Variants in SEMA6B observed in about 807,000 individuals in gnomAD.
SEMA6B encodes the protein semaphorin 6B.
SEMA6B carries 47 observed loss-of-function variants against 78.6 expected under a neutral mutation model. That is an observed-to-expected ratio of 0.60 (90% CI 0.47 to 0.76). The LOEUF (loss-of-function observed/expected upper bound fraction) is 0.76. Ranked by LOEUF, SEMA6B falls within the 30% of genes least tolerant of loss-of-function variation. The pLI, the probability that SEMA6B is intolerant of heterozygous loss-of-function variation, is 0.00. For missense variants in SEMA6B, 1,213 were observed against 1,269.9 expected (o/e 0.96, Z 0.68); for synonymous variants, 632 against 592.2 (o/e 1.07, Z -0.98).
chr19:4,545,056 G>A (rs1977129964), intron 16 of SEMA6B, among the ~76,000 whole-genome samples: 1 of 151,992 alleles, frequency 6.6e-6, no homozygotes, highest in African/African-American at 2.4e-5. Context: ...TTAAAGACAG[G>A]ATCTGGGCCA....
chr19:4,552,412 G>A lies in SEMA6B; in HGVS notation c.989+10C>T, dbSNP rs1346013214. Reference sequence around the variant, plus strand: ...ATGCTCCCAGTTTGCTCCCATTGGTGGGCGCTGACCTGTTGCTGGGCGTGG... The same window carrying A: ...ATGCTCCCAGTTTGCTCCCATTGGTAGGCGCTGACCTGTTGCTGGGCGTGG... On this transcript the variant is annotated intron_variant, in intron 10 of 16. Transcript: ENST00000586582. The surrounding 1 kb of genome is among the most constrained non-coding windows in gnomAD (Gnocchi z 7.4). 3.2e-6 allele frequency: 5 copies of A among 1,563,754 alleles called. No individual in the cohort carries two copies. The highest frequency in any genetic ancestry group is 2.6e-6 in the Non-Finnish European group (3 of 1,154,330).
chr19:4,550,413 C>G lies in SEMA6B; in HGVS notation c.1122-141G>C. On this transcript the variant is annotated intron_variant, in intron 11 of 16. Transcript: ENST00000586582. This position sits in a 1 kb window ranked among gnomAD's most constrained non-coding sequence, Gnocchi z 6.6. The stretch of plus-strand genomic sequence containing the variant: ...TTTTTGAGACAGAGTCTCAATCTGT[C>G]GCCCAGGCTGGAGTGCTTTGGCTCA... 2 of 930,366 alleles carry G rather than the reference C, an allele frequency of 2.1e-6. No homozygotes were observed. The highest frequency in any genetic ancestry group is 3.2e-6 in the Non-Finnish European group (2 of 623,984). The allele number at this position is 930,366 out of a possible 1,614,324, so 57.6% of individuals were successfully genotyped here.
intron 12 of SEMA6B, among the ~76,000 whole-genome samples, 179 bp downstream of exon 12, chr19:4,549,944 C>T (rs1977277885): frequency 6.6e-6 from 1 of 152,164 alleles, no homozygotes; most frequent in Non-Finnish European, 1.5e-5. Context: ...CTCTGTCTCT[C>T]TCTTTGTTCT....
Position 4,548,102 on chromosome 19 carries a change from C to A in SEMA6B, c.1526G>T (p.Gly509Val). ...GCAGCGGGGGAAGGCAGCCAGCAGGCCCCCCGAAGCTGCGTCCAGCTCCAA... is the reference window on the plus strand; with the variant it reads ...GCAGCGGGGGAAGGCAGCCAGCAGGACCCCCGAAGCTGCGTCCAGCTCCAA... The part of the protein sequence containing the change: ...LSLELDAASG[G>V]LLAAFPRCVV... The change falls in exon 14 of 17, where the codon GGC becomes GTC. Residue 509 changes from glycine to valine, a missense_variant. Gly to Val is a moderately radical substitution (Grantham distance 109, BLOSUM62 -3). Transcript: ENST00000586582. The A allele has an allele frequency of 2.5e-6, 4 of 1,589,506 alleles. No homozygotes were observed. The highest frequency in any genetic ancestry group is 2.2e-5 in the South Asian group (2 of 89,676).
chr19:4,544,054 G>T lies in SEMA6B; in HGVS notation c.2214C>A (p.Gly738=). The T allele has an allele frequency of 8.1e-7, 1 of 1,228,020 alleles. No individual in the cohort carries two copies. Among genetic ancestry groups the T allele is most frequent in the Non-Finnish European group, 1.0e-6 (1 of 984,786 alleles). 76.1% of individuals were successfully genotyped at this position (1,228,020 alleles called of 1,614,324 possible). Residue 738 remains glycine, a synonymous_variant, in exon 17 of 17, where the codon GGC becomes GGA. Coordinates refer to ENST00000586582, the MANE Select transcript of SEMA6B (RefSeq NM_032108.4). This position sits in a 1 kb window ranked among gnomAD's most constrained non-coding sequence, Gnocchi z 5.1. ...AAGCGGAGGCCGGGAGCAGGGGGTGGCCGTGGTCCCAGGCGCGGGGGCCCA... is the reference window on the plus strand; with the variant it reads ...AAGCGGAGGCCGGGAGCAGGGGGTGTCCGTGGTCCCAGGCGCGGGGGCCCA... ...HALGPRAWDH[G]HPLLPASASS... is the part of the protein sequence containing the mutation.
chr19:4,551,919 C>T (rs903833437), intron 10 of SEMA6B, among the ~76,000 whole-genome samples: 5 of 152,124 alleles, frequency 3.3e-5, no homozygotes, highest in Admixed American at 2.6e-4. Flanking sequence ...CATGGCTCCC[C>T]AGTGCTCTCA....
chr19:4,547,618 C>T (rs1449521178), intron 14 of SEMA6B, among the ~76,000 whole-genome samples: 1 of 152,174 alleles, frequency 6.6e-6, no homozygotes, highest in Non-Finnish European at 1.5e-5. Context: ...CCCCTGCAGT[C>T]TCCTCCTGGC....
In SEMA6B at chr19:4,558,313, G is replaced by T; in HGVS notation, c.121+24C>A. 3.3e-5 allele frequency: 43 copies of T among 1,316,182 alleles called. No individual in the cohort carries two copies. The highest frequency in any genetic ancestry group is 4.0e-5 in the Non-Finnish European group (41 of 1,023,102). 81.5% of individuals were successfully genotyped at this position (1,316,182 alleles called of 1,614,324 possible). A position where few individuals can be genotyped will look rare whatever the true frequency, so the allele number is the denominator to read the frequency against. On this transcript the variant is annotated intron_variant, in intron 2 of 16. Transcript: ENST00000586582. This position sits in a 1 kb window ranked among gnomAD's most constrained non-coding sequence, Gnocchi z 5.1. ...GATACTCCCACGGGACTCCACCCCC[G>T]CCCAAAGACACCCCCAGACTCACAG...
At chr19:4,553,776 A>ATGGATGGG (rs140764896) in intron 9 of SEMA6B, among the ~76,000 whole-genome samples, 11,589 of 135,242 alleles carry the variant, frequency 0.086, 779 homozygotes, top group South Asian at 0.19. Flanking sequence ...AGATAAATGG[A>ATGGATGGG]TGGATGGGTG....
rs755325500 is a variant in SEMA6B at position 4,555,101 on chromosome 19, T to A, written c.563-6A>T. ...AGCTGTGAAGAGCATCCCGTCTGGATGGGGTGGGTGGGGAAGGCAGGCAAG... is the reference window on the plus strand; with the variant it reads ...AGCTGTGAAGAGCATCCCGTCTGGAAGGGGTGGGTGGGGAAGGCAGGCAAG... On this transcript the variant is annotated splice_polypyrimidine_tract_variant and splice_region_variant and intron_variant, in intron 7 of 16. Coordinates refer to ENST00000586582, the MANE Select transcript of SEMA6B (RefSeq NM_032108.4). This position sits in a 1 kb window ranked among gnomAD's most constrained non-coding sequence, Gnocchi z 6.1. The A allele has an allele frequency of 1.2e-6, 2 of 1,613,186 alleles. No homozygotes were observed. Among genetic ancestry groups the A allele is most frequent in the Non-Finnish European group, 8.5e-7 (1 of 1,179,856 alleles).
Position 4,554,970 on chromosome 19 carries a change from T to G in SEMA6B, c.682+6A>C, listed in dbSNP as rs781675194. ...GGTCTGGGCCCACTGCCCTTCCTGGTCTCACCTTTGAACCACTTGGAGTCA... is the reference window on the plus strand; with the variant it reads ...GGTCTGGGCCCACTGCCCTTCCTGGGCTCACCTTTGAACCACTTGGAGTCA... On this transcript the variant is annotated splice_donor_region_variant and intron_variant, in intron 8 of 16. Coordinates refer to ENST00000586582, the MANE Select transcript of SEMA6B (RefSeq NM_032108.4). 8 of 1,613,346 alleles carry G rather than the reference T, an allele frequency of 5.0e-6. 1 individual carries two copies. In the South Asian group the frequency reaches 8.8e-5, roughly 18 times the overall value.
Position 4,555,988 on chromosome 19 carries a change from G to T in SEMA6B, c.471C>A (p.Ser157Arg), listed in dbSNP as rs762898793. Residue 157 changes from serine to arginine, a missense_variant and splice_region_variant, in exon 6 of 17, where the codon AGC becomes AGA. Physicochemically the swap from Ser to Arg is moderately radical, Grantham distance 110. Coordinates refer to ENST00000586582, the MANE Select transcript of SEMA6B (RefSeq NM_032108.4). This position sits in a 1 kb window ranked among gnomAD's most constrained non-coding sequence, Gnocchi z 6.1. ...NAFNPVCANY[S>R]IDTLQPVGDN... ...GGGCGCAGGGAGTCTGAAGACTCAC[G>T]CTGTAGTTGGCGCACACCGGGTTGA... is the stretch of plus-strand genomic sequence containing the variant. 1 of 1,612,544 alleles carries T rather than the reference G, an allele frequency of 6.2e-7. No homozygotes were observed. Among genetic ancestry groups the T allele is most frequent in the Non-Finnish European group, 8.5e-7 (1 of 1,178,634 alleles).
At position 4,543,701 on chromosome 19, in the gene SEMA6B, G is replaced by A. The variant is rs905309996; in HGVS notation, c.2567C>T (p.Pro856Leu). Residue 856 changes from proline to leucine, a missense_variant, in exon 17 of 17, where the codon CCT becomes CTT. Physicochemically the swap from Pro to Leu is moderately conservative, Grantham distance 98. Transcript: ENST00000586582. ...GTGGCAGCCGCGGTGGCGGTCCCCA[G>A]GCCGGGCCTCGCCGCTGTTGAACGT... ...THTFNSGEAR[P>L]GDRHRGCHAR... 4.1e-6 allele frequency: 5 copies of A among 1,230,142 alleles called. No individual in the cohort carries two copies. In the East Asian group the frequency reaches 1.6e-4, roughly 39 times the overall value. 76.2% of individuals were successfully genotyped at this position (1,230,142 alleles called of 1,614,324 possible).
rs532908837 is a variant in SEMA6B at position 4,548,343 on chromosome 19, G to A, written c.1374C>T (p.Leu458=). The change falls in exon 13 of 17, where the codon CTC becomes CTT. Residue 458 remains leucine (L), a synonymous_variant. Transcript: ENST00000586582. ...CTGAGGTGCTGGCATTGGGCCGGAC[G>A]AGGAACTTGAGGACCGTCCCCGCCT... The part of the protein sequence containing the change: ...GSEAGTVLKF[L]VRPNASTSGT... 2.4e-5 allele frequency: 38 copies of A among 1,613,884 alleles called. No homozygotes were observed. Among genetic ancestry groups the A allele is most frequent in the African/African-American group, 4.0e-5 (3 of 75,048 alleles).
In SEMA6B at chr19:4,543,894, G is replaced by A; in HGVS notation, c.2374C>T (p.His792Tyr). The stretch of plus-strand genomic sequence containing the variant: ...ACCCGCCGGCGGTCCGGGCTGGCGT[G>A]GGGGGTGAGCGGGAAGTCGCCGTGG... ...ASHGDFPLTP[H>Y]ASPDRRRVVS... Residue 792 changes from histidine (H) to tyrosine (Y), a missense_variant, in exon 17 of 17, where the codon CAC (histidine) becomes TAC (tyrosine). His to Tyr is a moderately conservative substitution (Grantham distance 83, BLOSUM62 2). Coordinates refer to ENST00000586582, the MANE Select transcript of SEMA6B (RefSeq NM_032108.4). 3.3e-6 allele frequency: 4 copies of A among 1,204,416 alleles called. No individual in the cohort carries two copies. The highest frequency in any genetic ancestry group is 4.1e-5 in the South Asian group (1 of 24,120). 74.6% of individuals were successfully genotyped at this position (1,204,416 alleles called of 1,614,324 possible). A position where few individuals can be genotyped will look rare whatever the true frequency, so the allele number is the denominator to read the frequency against.
chr19:4,550,219 G>C lies in SEMA6B; in HGVS notation c.1175C>G (p.Pro392Arg). 5 of 1,613,750 alleles carry C rather than the reference G, an allele frequency of 3.1e-6. No homozygotes were observed. The African/African-American group carries it at 4.0e-5, about 13-fold the overall frequency. The change falls in exon 12 of 17, where the codon CCG becomes CGG. Residue 392 changes from proline to arginine, a missense_variant. Physicochemically the swap from Pro to Arg is moderately radical, Grantham distance 103 (BLOSUM62 -2). Transcript: ENST00000586582. The surrounding 1 kb of genome is among the most constrained non-coding windows in gnomAD (Gnocchi z 6.6). ...GMQYNASSAL[P>R]DDILNFVKTH... ...CTTGACAAAGTTGAGGATGTCATCCGGCAAGGCGCTGGAGGCATTGTACTG... is the reference window on the plus strand; with the variant it reads ...CTTGACAAAGTTGAGGATGTCATCCCGCAAGGCGCTGGAGGCATTGTACTG...
In SEMA6B at chr19:4,550,997, A is replaced by C; in HGVS notation, c.990-67T>G. The C allele has an allele frequency of 6.3e-7, 1 of 1,576,068 alleles. No individual in the cohort carries two copies. The highest frequency in any genetic ancestry group is 1.1e-5 in the South Asian group (1 of 89,042). ...GGCCCCATCTCGGACAAGTGCGTGCAGGAGCCTCTGTCTGCAGGAGCCAGT... is the reference window on the plus strand; with the variant it reads ...GGCCCCATCTCGGACAAGTGCGTGCCGGAGCCTCTGTCTGCAGGAGCCAGT... On this transcript the variant is annotated intron_variant, in intron 10 of 16. Transcript: ENST00000586582. This position sits in a 1 kb window ranked among gnomAD's most constrained non-coding sequence, Gnocchi z 6.6.
chr19:4,548,155 A>G lies in SEMA6B; in HGVS notation c.1473T>C (p.Gly491=), dbSNP rs1243617133. The change falls in exon 14 of 17, where the codon GGT becomes GGC. Residue 491 remains glycine, a synonymous_variant. Transcript: ENST00000586582. The part of the protein sequence containing the change: ...YRPDRCGRPG[G]GETGQRLLSL... Reference sequence around the variant, plus strand: ...TCAGCAGCCGCTGCCCTGTCTCGCCACCGCCGGGCCGTCCACACCTGGGGA... The same window carrying G: ...TCAGCAGCCGCTGCCCTGTCTCGCCGCCGCCGGGCCGTCCACACCTGGGGA... 6.3e-7 allele frequency: 1 copy of G among 1,591,278 alleles called. No homozygotes were observed. The highest frequency in any genetic ancestry group is 8.6e-7 in the Non-Finnish European group (1 of 1,167,972).
Position 4,558,301 on chromosome 19 carries a change from GA to G in SEMA6B, c.121+35del. 1 of 1,315,010 alleles carries G rather than the reference GA, an allele frequency of 7.6e-7. No homozygotes were observed. The allele number at this position is 1,315,010 out of a possible 1,614,324, so 81.5% of individuals were successfully genotyped here. A position where few individuals can be genotyped will look rare whatever the true frequency, so the allele number is the denominator to read the frequency against. The stretch of plus-strand genomic sequence containing the variant: ...ACTGGGAACCCAGATACTCCCACGG[GA>G]CTCCACCCCCGCCCAAAGACACCCC... On this transcript the variant is annotated intron_variant, in intron 2 of 16. Coordinates refer to ENST00000586582, the MANE Select transcript of SEMA6B (RefSeq NM_032108.4). The surrounding 1 kb of genome is among the most constrained non-coding windows in gnomAD (Gnocchi z 5.1).
Sources: gnomAD v4.1 joint callset for allele counts (sites outside exome capture counted in the v4.1 genomes callset) on GRCh38, gnomAD v4.1.1 for gene constraint, Gnocchi (gnomAD v3.1) non-coding constraint, MANE v1.5 for transcripts, NCBI Gene and HGNC (gene_info 2026-07-23, HGNC 2026-07-21) for gene names.